SCTR: variants seen among roughly 807,000 people sequenced by gnomAD.
SCTR encodes secretin receptor.
In SCTR, 56 loss-of-function variants were observed where a neutral mutation model predicts 60.8. The observed-to-expected ratio is 0.92, with a 90% CI of 0.74 to 1.15. SCTR has a LOEUF of 1.15. Ranked by LOEUF, SCTR falls within the 50% of genes most tolerant of loss-of-function variation. The pLI is 0.00. For missense variants in SCTR, 562 were observed against 550.4 expected (o/e 1.02, Z -0.21); for synonymous variants, 202 against 217.0 (o/e 0.93, Z 0.61).
At chr2:119,492,765 GT>G (rs1468993505) in intron 2 of SCTR, among the ~76,000 whole-genome samples, 1 of 151,870 alleles carries the variant, frequency 6.6e-6, no homozygotes, top group Admixed American at 6.6e-5. Flanking sequence ...GTCTCTACAG[GT>G]TTGGCTCATC....
intron 7 of SCTR, among the ~76,000 whole-genome samples, chr2:119,460,548 C>T (rs1683563240): frequency 6.6e-6 from 1 of 152,048 alleles, no homozygotes; most frequent in Non-Finnish European, 1.5e-5. Context: ...GAGGTCTGTC[C>T]TTGTTTACCA....
At chr2:119,512,584 A>G (rs1049814728) in intron 1 of SCTR, among the ~76,000 whole-genome samples, 10 of 150,204 alleles carry the variant, frequency 6.7e-5, no homozygotes, top group African/African-American at 2.5e-4. Context: ...TTTAGTAGAG[A>G]CGGGGTTTCA....
intron 1 of SCTR, among the ~76,000 whole-genome samples, chr2:119,518,580 G>A (rs1389558763): frequency 6.6e-6 from 1 of 152,126 alleles, no homozygotes; most frequent in Non-Finnish European, 1.5e-5. Context: ...AGGCTGGGTG[G>A]GCCCCAGGAG....
At chr2:119,445,802 G>A (rs1333229682) in intron 11 of SCTR, among the ~76,000 whole-genome samples, 2 of 152,150 alleles carry the variant, frequency 1.3e-5, no homozygotes, top group African/African-American at 4.8e-5. Flanking sequence ...TTTGGCTACT[G>A]GGAAGCTCCC....
At chr2:119,459,382 T>C (rs534081329) in intron 7 of SCTR, among the ~76,000 whole-genome samples, 3 of 152,062 alleles carry the variant, frequency 2.0e-5, no homozygotes, top group Admixed American at 6.5e-5. Context: ...TCAGAAAAAG[T>C]TCAATCTGTG....
chr2:119,457,739 C>T (rs1683428713), intron 7 of SCTR, among the ~76,000 whole-genome samples: 1 of 152,018 alleles, frequency 6.6e-6, no homozygotes, highest in Non-Finnish European at 1.5e-5. Flanking sequence ...ATTTTATATT[C>T]TTATCTTCCA....
intron 11 of SCTR, among the ~76,000 whole-genome samples, chr2:119,443,093 C>A (rs1235996889): frequency 1.3e-5 from 2 of 152,164 alleles, no homozygotes; most frequent in Non-Finnish European, 2.9e-5. Context: ...CTGCCCGTTG[C>A]ATGGGCTAGG....
At chr2:119,503,482 G>A (rs989751692) in intron 1 of SCTR, among the ~76,000 whole-genome samples, 20 of 152,162 alleles carry the variant, frequency 1.3e-4, no homozygotes, top group African/African-American at 4.8e-4. Flanking sequence ...GCTGCAGTGA[G>A]CCATGATAGC....
intron 4 of SCTR, 114 bp from the exon 5 acceptor site, chr2:119,466,000 AT>A (rs1683819921): frequency 2.9e-6 from 2 of 695,442 alleles, no homozygotes; most frequent in South Asian, 3.3e-5. Context: ...TATTCTGTCC[AT>A]ACCTCAAGGA....
At chr2:119,467,747 C>G (rs1330872511) in intron 4 of SCTR, among the ~76,000 whole-genome samples, 6 of 152,100 alleles carry the variant, frequency 3.9e-5, no homozygotes, top group Admixed American at 2.0e-4. Context: ...TCAATTATTT[C>G]AAATACAAAT....
chr2:119,491,623 T>C (rs1211828631), intron 2 of SCTR, among the ~76,000 whole-genome samples: 2 of 152,192 alleles, frequency 1.3e-5, no homozygotes, highest in Non-Finnish European at 2.9e-5. Flanking sequence ...GCGATCCTCC[T>C]GCCTCAGCCT....
chr2:119,489,684 G>A (rs2104887311), intron 2 of SCTR, among the ~76,000 whole-genome samples: 1 of 152,304 alleles, frequency 6.6e-6, no homozygotes, highest in African/African-American at 2.4e-5. Flanking sequence ...GATGGAGAAT[G>A]GTGTTGTAGC....
At chr2:119,513,920 T>C (rs1679032898) in intron 1 of SCTR, among the ~76,000 whole-genome samples, 1 of 152,242 alleles carries the variant, frequency 6.6e-6, no homozygotes, top group African/African-American at 2.4e-5. Context: ...CCCATAATTT[T>C]ACATTGAGTT....
intron 1 of SCTR, among the ~76,000 whole-genome samples, chr2:119,495,263 T>C (rs1558873034): frequency 6.6e-6 from 1 of 152,216 alleles, no homozygotes; most frequent in Non-Finnish European, 1.5e-5. Flanking sequence ...GAAAACCTAG[T>C]TTTGATTCAG....
intron 1 of SCTR, among the ~76,000 whole-genome samples, chr2:119,517,714 C>T (rs1170043091): frequency 6.6e-6 from 1 of 152,030 alleles, no homozygotes; most frequent in Admixed American, 6.5e-5. Flanking sequence ...GAAAAGTCAG[C>T]GGAGAGGAAG....
intron 1 of SCTR, among the ~76,000 whole-genome samples, chr2:119,520,185 C>T (rs1324557246): frequency 6.6e-6 from 1 of 152,170 alleles, no homozygotes; most frequent in Non-Finnish European, 1.5e-5. Context: ...TCCCCAGTGA[C>T]CCTCTCTGAA....
At chr2:119,464,946 C>T (rs1047921988) in intron 5 of SCTR, among the ~76,000 whole-genome samples, 2 of 152,182 alleles carry the variant, frequency 1.3e-5, no homozygotes, top group African/African-American at 2.4e-5. Context: ...AGACTTTTCA[C>T]TTCCCGGAGC....
chr2:119,488,413 G>A (rs1345787362), intron 2 of SCTR, among the ~76,000 whole-genome samples: 3 of 152,358 alleles, frequency 2.0e-5, no homozygotes, highest in Non-Finnish European at 4.4e-5. Flanking sequence ...CCCCCAGTGA[G>A]TGTGAGGCAG....
In SCTR at chr2:119,480,786, G is replaced by A. The variant is rs577646531; in HGVS notation, c.194-1868C>T. On this transcript the variant is annotated intron_variant, in intron 2 of 12. Transcript: ENST00000019103. ...TGCCCTCTGAGAGGTCATCGCTGGGGTCAGGCTTGGAAGGGGCTAGAAATG... is the reference window on the plus strand; with the variant it reads ...TGCCCTCTGAGAGGTCATCGCTGGGATCAGGCTTGGAAGGGGCTAGAAATG... 11 of 152,438 alleles carry A rather than the reference G, an allele frequency of 7.2e-5. No individual in the cohort carries two copies. The South Asian group carries it at 2.3e-3, about 32-fold the overall frequency. 9.4% of individuals were successfully genotyped at this position (152,438 alleles called of 1,614,324 possible).
Sources: allele counts gnomAD v4.1 joint callset (sites outside exome capture counted in the v4.1 genomes callset), GRCh38; gene constraint gnomAD v4.1.1; transcripts MANE v1.5; gene names NCBI Gene and HGNC (gene_info 2026-07-23, HGNC 2026-07-21).